Variants in BRPF1 observed in about 807,000 individuals in gnomAD.
The protein encoded by BRPF1 is peregrin.
In BRPF1, 15 loss-of-function variants were observed where a neutral mutation model predicts 115.0. The ratio of observed to expected loss-of-function variants is 0.13; its 90% CI spans 0.09 to 0.20. BRPF1 has a LOEUF of 0.20. BRPF1 is among the 10% of genes least tolerant of loss of function. BRPF1 has a pLI of 1.00. For synonymous variants in BRPF1, 647 were observed against 619.8 expected (o/e 1.04, Z -0.65); for missense variants, 1,118 against 1,638.3 (o/e 0.68, Z 5.48).
Position 9,743,245 on chromosome 3 carries a change from C to T in BRPF1, c.2303C>T (p.Thr768Ile). The T allele has an allele frequency of 6.2e-7, 1 of 1,612,202 alleles. No homozygotes were observed. ...GCTGGAGATGAGGCCACACACCACA[C>T]TGAAGATGGTGGGTGATATATCACA... ...SLAGDEATHH[T>I]EDAAEEERLV... The change falls in exon 7 of 14, where the codon ACT (threonine) becomes ATT (isoleucine). Residue 768 changes from threonine to isoleucine, a missense_variant. By Grantham distance (89) the Thr-to-Ile change is moderately conservative (BLOSUM62 -1). This residue lies in a region of BRPF1 where 223 missense variants were observed against 240.7 expected (regional missense o/e 0.93). Transcript: ENST00000383829. This position sits in a 1 kb window ranked among gnomAD's most constrained non-coding sequence, Gnocchi z 6.1.
intron 13 of BRPF1, 115 bp downstream of exon 13, chr3:9,746,569 G>A: frequency 7.8e-7 from 1 of 1,288,272 alleles, no homozygotes; most frequent in Non-Finnish European, 1.0e-6. Context: ...ACAAGTCAGT[G>A]GGGGAGGGAC....
Position 9,746,428 on chromosome 3 carries a change from C to G in BRPF1, c.3453C>G (p.Val1151=). The change falls in exon 13 of 14, where the codon GTC becomes GTG. Residue 1151 remains valine, a synonymous_variant. Coordinates refer to ENST00000383829, the MANE Select transcript of BRPF1 (RefSeq NM_001003694.2). ...AAGCCCGAGAGCATCTCTACCTCGT[C>G]CTCTTCTTTGACAACAAACGAACCT... ...TQEAREHLYL[V]LFFDNKRTWQ... is the part of the protein sequence containing the mutation. The G allele has an allele frequency of 6.3e-7, 1 of 1,595,830 alleles. No homozygotes were observed. The highest frequency in any genetic ancestry group is 1.1e-5 in the South Asian group (1 of 89,660).
At chr3:9,742,232 T>C (rs2077044098) in intron 6 of BRPF1, 61 bp downstream of exon 6, 1 of 1,596,572 alleles carries the variant, frequency 6.3e-7, no homozygotes, top group African/African-American at 1.3e-5. Flanking sequence ...GGACCCCTGC[T>C]GCAGGTCTGG....
Position 9,741,676 on chromosome 3 carries a change from C to T in BRPF1, c.1854+237C>T, listed in dbSNP as rs159154. Among the ~76,000 whole-genome samples the T allele has an allele frequency of 0.27, 40,740 of 149,502 alleles. 5,811 individuals are homozygous for T. The highest frequency in any genetic ancestry group is 0.3 in the Non-Finnish European group (20,088 of 67,672). On this transcript the variant is annotated intron_variant, in intron 5 of 13. Transcript: ENST00000383829. ...AAAAAAGACCCAGGAGAAGGAATAG[C>T]GTGTGTACCCCAGCCAGATAGCAGC...
chr3:9,741,154 C>T lies in BRPF1; in HGVS notation c.1723-154C>T, dbSNP rs558924805. Among the ~76,000 whole-genome samples, 54 of 152,358 alleles carry T rather than the reference C, an allele frequency of 3.5e-4. 1 individual carries two copies. In the South Asian group the frequency reaches 0.011, roughly 31 times the overall value. On this transcript the variant is annotated intron_variant, in intron 4 of 13. Coordinates refer to ENST00000383829, the MANE Select transcript of BRPF1 (RefSeq NM_001003694.2). ...AACAAACACATACCAAGCATTTATT[C>T]TGCCAGGCCTTGGGGACACACAGAT...
Position 9,747,553 on chromosome 3 carries a change from G to A in BRPF1, c.*204G>A, listed in dbSNP as rs554651086. 5.4e-5 allele frequency: 28 copies of A among 521,358 alleles called. No individual in the cohort carries two copies. The South Asian group carries it at 7.8e-4, about 15-fold the overall frequency. The allele number at this position is 521,358 out of a possible 1,614,324, so 32.3% of individuals were successfully genotyped here. A position where few individuals can be genotyped will look rare whatever the true frequency, so the allele number is the denominator to read the frequency against. ...CTCCAAGGGCCAATGGCAGTTCAGCGCAAGGAGAGGGAGGGCCCACAGGTC... is the reference window on the plus strand; with the variant it reads ...CTCCAAGGGCCAATGGCAGTTCAGCACAAGGAGAGGGAGGGCCCACAGGTC... On this transcript the variant is annotated 3_prime_UTR_variant, in exon 14 of 14. Coordinates refer to ENST00000383829, the MANE Select transcript of BRPF1 (RefSeq NM_001003694.2). This position sits in a 1 kb window ranked among gnomAD's most constrained non-coding sequence, Gnocchi z 5.6.
chr3:9,739,991 G>A, intron 3 of BRPF1, 33 bp downstream of exon 3: 1 of 1,521,148 alleles, frequency 6.6e-7, no homozygotes, highest in South Asian at 1.3e-5. Context: ...GGCAGATGAG[G>A]GAGAAAGGAG....
Position 9,739,641 on chromosome 3 carries a change from C to T in BRPF1, c.1242C>T (p.Ala414=). The T allele has an allele frequency of 6.2e-7, 1 of 1,610,528 alleles. No individual in the cohort carries two copies. The highest frequency in any genetic ancestry group is 8.5e-7 in the Non-Finnish European group (1 of 1,176,922). ...NCYTAFHVTC[A]QQAGLYMKME... ...ACACAGCTTTCCATGTGACATGCGC[C>T]CAGCAGGCTGGCCTTTACATGAAGA... The change falls in exon 3 of 14, where the codon GCC becomes GCT. Residue 414 remains alanine (A), a synonymous_variant. Transcript: ENST00000383829.
At chr3:9,741,002 T>C in intron 4 of BRPF1, 61 bp downstream of exon 4, 2 of 1,532,642 alleles carry the variant, frequency 1.3e-6, no homozygotes, top group Non-Finnish European at 1.8e-6. Flanking sequence ...AAAACCAAAA[T>C]TTGCAACTGT....
Position 9,742,803 on chromosome 3 carries a change from CT to C in BRPF1, c.2002-138del, listed in dbSNP as rs1162957146. ...AAGTCAGGACCAGAATCCAGCTTTC[CT>C]TTCCCCTGTGCTATATGCCTGCCTC... On this transcript the variant is annotated intron_variant, in intron 6 of 13. Coordinates refer to ENST00000383829, the MANE Select transcript of BRPF1 (RefSeq NM_001003694.2). 14 of 986,360 alleles carry C rather than the reference CT, an allele frequency of 1.4e-5. No individual in the cohort carries two copies. In the Admixed American group the frequency reaches 3.7e-4, roughly 26 times the overall value. 61.1% of individuals were successfully genotyped at this position (986,360 alleles called of 1,614,324 possible). A position where few individuals can be genotyped will look rare whatever the true frequency, so the allele number is the denominator to read the frequency against.
intron 2 of BRPF1, among the ~76,000 whole-genome samples, chr3:9,738,466 C>A (rs1026660708): frequency 5.9e-5 from 9 of 152,216 alleles, no homozygotes; most frequent in Non-Finnish European, 1.5e-5. Flanking sequence ...TTGACGGAGC[C>A]TTGAGCTGAT....
rs2077116698 is a variant in BRPF1 at position 9,745,855 on chromosome 3, G to A, written c.3249G>A (p.Glu1083=). The change falls in exon 12 of 14, where the codon GAG becomes GAA. Residue 1083 remains glutamate (E), a synonymous_variant. Transcript: ENST00000383829. The surrounding 1 kb of genome is among the most constrained non-coding windows in gnomAD (Gnocchi z 5.1). ...SLGRGAGWLS[E]DEDSPLDALD... ...GCCGGGGAGCTGGCTGGCTGTCAGA[G>A]GATGAGGACTCCCCGCTGGATGCTC... 2 of 1,614,048 alleles carry A rather than the reference G, an allele frequency of 1.2e-6. No homozygotes were observed. The highest frequency in any genetic ancestry group is 1.7e-6 in the Non-Finnish European group (2 of 1,180,044).
In BRPF1 at chr3:9,745,185, C is replaced by T. The variant is rs1040770247; in HGVS notation, c.3068+30C>T. On this transcript the variant is annotated intron_variant, in intron 10 of 13. Coordinates refer to ENST00000383829, the MANE Select transcript of BRPF1 (RefSeq NM_001003694.2). This position sits in a 1 kb window ranked among gnomAD's most constrained non-coding sequence, Gnocchi z 5.1. ...CAGCCCTCCAGATCGAGGCCAACCTCAGGGGATGCCCTTCCAGGGCTCTTG... is the reference window on the plus strand; with the variant it reads ...CAGCCCTCCAGATCGAGGCCAACCTTAGGGGATGCCCTTCCAGGGCTCTTG... 1.6e-5 allele frequency: 26 copies of T among 1,606,590 alleles called. No homozygotes were observed. Among genetic ancestry groups the T allele is most frequent in the Middle Eastern group, 1.8e-4 (1 of 5,566 alleles).
rs1356898929 is a variant in BRPF1, at chr3:9,734,909, A to G, written c.599+170A>G. Among the ~76,000 whole-genome samples, 2 of 152,050 alleles carry G rather than the reference A, an allele frequency of 1.3e-5. No individual in the cohort carries two copies. Among genetic ancestry groups the G allele is most frequent in the Non-Finnish European group, 2.9e-5 (2 of 68,016 alleles). ...GGTACGCCACTAATGCACTTACTCTACAGTGCCACACGCTACTCCTTTATT... is the reference window on the plus strand; with the variant it reads ...GGTACGCCACTAATGCACTTACTCTGCAGTGCCACACGCTACTCCTTTATT... On this transcript the variant is annotated intron_variant, in intron 2 of 13. Coordinates refer to ENST00000383829, the MANE Select transcript of BRPF1 (RefSeq NM_001003694.2). This position sits in a 1 kb window ranked among gnomAD's most constrained non-coding sequence, Gnocchi z 5.7.
chr3:9,742,575 T>A, intron 6 of BRPF1: 2 of 980,728 alleles, frequency 2.0e-6, no homozygotes, highest in Non-Finnish European at 2.4e-6. Flanking sequence ...AGCAGCCTCC[T>A]TATAAGTTAC....
intron 9 of BRPF1, 68 bp from the exon 10 acceptor site, chr3:9,744,940 C>G (rs1389604804): frequency 6.2e-7 from 1 of 1,603,936 alleles, no homozygotes; most frequent in African/African-American, 1.3e-5. Context: ...TCCCTCTTAC[C>G]TCCATGTCAT....
chr3:9,736,228 G>C (rs915912022), intron 2 of BRPF1, among the ~76,000 whole-genome samples: 1 of 151,562 alleles, frequency 6.6e-6, no homozygotes, highest in African/African-American at 2.4e-5. Flanking sequence ...GGATGGTCTC[G>C]ATCTCCTGAC....
chr3:9,747,159 C>T lies in BRPF1; in HGVS notation c.3480-7C>T. On this transcript the variant is annotated splice_polypyrimidine_tract_variant and splice_region_variant and intron_variant, in intron 13 of 13. Coordinates refer to ENST00000383829, the MANE Select transcript of BRPF1 (RefSeq NM_001003694.2). This position sits in a 1 kb window ranked among gnomAD's most constrained non-coding sequence, Gnocchi z 5.6. ...ATGATTTATTTGATCTTCACCTTAT[C>T]CTATAGGCAGTGGCTGCCCAGGACC... The T allele has an allele frequency of 2.5e-6, 4 of 1,614,020 alleles. No homozygotes were observed. In the South Asian group the frequency reaches 3.3e-5, roughly 13 times the overall value.
intron 6 of BRPF1, chr3:9,742,398 C>T: frequency 1.0e-6 from 1 of 985,412 alleles, no homozygotes; most frequent in Non-Finnish European, 1.2e-6. Context: ...GAGGCAGGGA[C>T]TGAGTCTGCC....
Sources: gnomAD v4.1 joint callset for allele counts (sites outside exome capture counted in the v4.1 genomes callset) on GRCh38, gnomAD v4.1.1 for gene constraint, gnomAD v4.1.1 regional missense constraint, Gnocchi (gnomAD v3.1) non-coding constraint, MANE v1.5 for transcripts, NCBI Gene and HGNC (gene_info 2026-07-23, HGNC 2026-07-21) for gene names.